RHBDL3: variants seen among roughly 807,000 people sequenced by gnomAD.
The protein encoded by RHBDL3 is rhomboid-related protein 3.
In RHBDL3, 28 loss-of-function variants were observed where a neutral mutation model predicts 48.2. The observed-to-expected ratio is 0.58, with a 90% CI of 0.43 to 0.80. The LOEUF (loss-of-function observed/expected upper bound fraction) is 0.80. RHBDL3 is among the 30% of genes least tolerant of loss of function. The pLI is 0.00. For synonymous variants in RHBDL3, 208 were observed against 232.3 expected, an observed-to-expected ratio of 0.90 and a Z score of 0.95; for missense variants, 464 against 542.7, an observed-to-expected ratio of 0.85 and a Z score of 1.44.
At chr17:32,303,898 C>A (rs546467755) in intron 6 of RHBDL3, among the ~76,000 whole-genome samples, 2 of 152,172 alleles carry the variant, frequency 1.3e-5, no homozygotes, top group African/African-American at 4.8e-5. Flanking sequence ...GGCTTTCTGC[C>A]TGTCCCTCCT....
chr17:32,309,582 G>C (rs2040792366), intron 7 of RHBDL3, among the ~76,000 whole-genome samples: 1 of 151,994 alleles, frequency 6.6e-6, no homozygotes, highest in Non-Finnish European at 1.5e-5. Context: ...ATGGACTTGA[G>C]AGAAAATCCA....
chr17:32,277,883 G>A (rs1215670138), intron 2 of RHBDL3, among the ~76,000 whole-genome samples: 1 of 152,216 alleles, frequency 6.6e-6, no homozygotes, highest in Non-Finnish European at 1.5e-5. Flanking sequence ...CTAAAACCTT[G>A]CAGAGTCCTT....
At chr17:32,285,188 G>A (rs1029938213) in intron 3 of RHBDL3, among the ~76,000 whole-genome samples, 2 of 152,140 alleles carry the variant, frequency 1.3e-5, no homozygotes, top group Non-Finnish European at 2.9e-5. Context: ...GGGGAGGGGA[G>A]AGAGAGGAGA....
chr17:32,277,054 A>T (rs915428215), intron 2 of RHBDL3, among the ~76,000 whole-genome samples: 1 of 152,204 alleles, frequency 6.6e-6, no homozygotes, highest in African/African-American at 2.4e-5. Context: ...GTGTGTGTAC[A>T]TGGGAGAAGA....
Position 32,266,149 on chromosome 17 carries a change from G to C in RHBDL3, c.-41G>C. On this transcript the variant is annotated 5_prime_UTR_variant, in exon 1 of 9. Transcript: ENST00000269051. ...CAAAGTTAGCCCGGCGCCCCGGGACGAGCCCCGCAGCCGCCGCCGCCCCCG... is the reference window on the plus strand; with the variant it reads ...CAAAGTTAGCCCGGCGCCCCGGGACCAGCCCCGCAGCCGCCGCCGCCCCCG... The C allele has an allele frequency of 1.2e-6, 1 of 815,608 alleles. No homozygotes were observed. 50.5% of individuals were successfully genotyped at this position (815,608 alleles called of 1,614,324 possible).
At position 32,321,378 on chromosome 17, in the gene RHBDL3, A is replaced by C; in HGVS notation, c.*149A>C. The C allele has an allele frequency of 6.5e-7, 1 of 1,537,836 alleles. No homozygotes were observed. The highest frequency in any genetic ancestry group is 8.7e-7 in the Non-Finnish European group (1 of 1,147,174). On this transcript the variant is annotated 3_prime_UTR_variant, in exon 9 of 9. Coordinates refer to ENST00000269051, the MANE Select transcript of RHBDL3 (RefSeq NM_138328.3). ...CTGTAATGTTTGTGTTTAGATTTGG[A>C]CACACAGTGGAGACCCTTTTCTGAA...
At chr17:32,282,638 T>A (rs2040081503) in intron 2 of RHBDL3, among the ~76,000 whole-genome samples, 1 of 152,190 alleles carries the variant, frequency 6.6e-6, no homozygotes, top group Admixed American at 6.5e-5. Context: ...TTTTTTCTTT[T>A]TTGAGACGGA....
chr17:32,289,058 G>A (rs1450740933), intron 4 of RHBDL3, 42 bp downstream of exon 4: 4 of 1,557,574 alleles, frequency 2.6e-6, no homozygotes, highest in Non-Finnish European at 3.5e-6. Flanking sequence ...GCCTTGGGGA[G>A]TGGCGGGTAT....
intron 2 of RHBDL3, among the ~76,000 whole-genome samples, chr17:32,272,313 C>G (rs888693191): frequency 1.3e-5 from 2 of 152,236 alleles, no homozygotes; most frequent in Non-Finnish European, 2.9e-5. Flanking sequence ...TCCCTGCCCT[C>G]CAGCCTGGGG....
At chr17:32,289,325 G>A (rs765656337) in intron 4 of RHBDL3, among the ~76,000 whole-genome samples, 27 of 151,680 alleles carry the variant, frequency 1.8e-4, no homozygotes, top group Admixed American at 6.6e-5. Flanking sequence ...TAAAAACAAT[G>A]TCATAAGTTC....
chr17:32,320,970 T>C lies in RHBDL3; in HGVS notation c.956T>C (p.Phe319Ser), dbSNP rs1336890495. Residue 319 changes from phenylalanine to serine, a missense_variant, in exon 9 of 9, where the codon TTT becomes TCT. Transcript: ENST00000269051. ...CCTCCCCTTGCAGTGAGCATGGAGT[T>C]TGGGCGGGCCGTGTGGCTCCGCTTC... ...AVALICMSME[F>S]GRAVWLRFHP... The C allele has an allele frequency of 1.2e-6, 2 of 1,611,992 alleles. No homozygotes were observed. Among genetic ancestry groups the C allele is most frequent in the Non-Finnish European group, 1.7e-6 (2 of 1,179,390 alleles).
At chr17:32,305,544 A>T in intron 7 of RHBDL3, 103 bp downstream of exon 7, 1 of 811,680 alleles carries the variant, frequency 1.2e-6, no homozygotes, top group Non-Finnish European at 2.1e-6. Flanking sequence ...AACCAGGCAG[A>T]CCTGACCTGG....
At chr17:32,293,173 A>AGGGGGGG (rs56795296) in intron 4 of RHBDL3, among the ~76,000 whole-genome samples, 8 of 102,512 alleles carry the variant, frequency 7.8e-5, no homozygotes, top group African/African-American at 1.3e-4. Context: ...GGCTGGAGGG[A>AGGGGGGG]GGGGGTGGGG....
intron 7 of RHBDL3, 94 bp downstream of exon 7, chr17:32,305,535 A>G: frequency 1.2e-6 from 1 of 853,700 alleles, no homozygotes; most frequent in Non-Finnish European, 2.0e-6. Flanking sequence ...CTCACCAAAA[A>G]CCAGGCAGAC....
intron 1 of RHBDL3, among the ~76,000 whole-genome samples, chr17:32,266,826 C>T (rs1194828357): frequency 6.6e-6 from 1 of 152,202 alleles, no homozygotes; most frequent in Non-Finnish European, 1.5e-5. Context: ...GCCTCTGACC[C>T]CGGCCGGAGC....
intron 7 of RHBDL3, among the ~76,000 whole-genome samples, chr17:32,313,111 C>A (rs562181320): frequency 6.6e-6 from 1 of 151,712 alleles, no homozygotes; most frequent in African/African-American, 2.4e-5. Flanking sequence ...AATCCCAGCA[C>A]TTTGGGAGGC....
rs779048130 is a variant in RHBDL3, at chr17:32,284,694, C to T, written c.171C>T (p.Gly57=). ...GGAACACAGGCTACATTAGCACAGG[C>T]AAGTTCCGGAGTCTTCTGGAGAGCC... ...DPGNTGYIST[G]KFRSLLESHS... Residue 57 remains glycine, a synonymous_variant, in exon 3 of 9, where the codon GGC becomes GGT. Transcript: ENST00000269051. The T allele has an allele frequency of 4.3e-6, 7 of 1,614,192 alleles. No individual in the cohort carries two copies. In the East Asian group the frequency reaches 1.3e-4, roughly 31 times the overall value.
chr17:32,320,944 T>G lies in RHBDL3; in HGVS notation c.944-14T>G, dbSNP rs764141332. On this transcript the variant is annotated splice_polypyrimidine_tract_variant and intron_variant, in intron 8 of 8. Transcript: ENST00000269051. ...GGCCCTCCTGTGACATCTCTCTGCT[T>G]CCTCCCCTTGCAGTGAGCATGGAGT... The G allele has an allele frequency of 6.2e-7, 1 of 1,602,388 alleles. No homozygotes were observed. Among genetic ancestry groups the G allele is most frequent in the South Asian group, 1.1e-5 (1 of 90,620 alleles).
chr17:32,295,552 G>A (rs1597655381), intron 5 of RHBDL3, among the ~76,000 whole-genome samples: 1 of 152,236 alleles, frequency 6.6e-6, no homozygotes, highest in Admixed American at 6.5e-5. Context: ...CCCTGCCCAG[G>A]CATCCCAAGC....
Sources: gnomAD v4.1 joint callset for allele counts (sites outside exome capture counted in the v4.1 genomes callset) on GRCh38, gnomAD v4.1.1 for gene constraint, MANE v1.5 for transcripts, NCBI Gene and HGNC (gene_info 2026-07-23, HGNC 2026-07-21) for gene names.